TRPM8: variants seen among roughly 807,000 people sequenced by gnomAD.
TRPM8 encodes transient receptor potential cation channel subfamily M member 8.
TRPM8 carries 110 observed loss-of-function variants against 133.7 expected under a neutral mutation model. The ratio of observed to expected loss-of-function variants is 0.82; its 90% CI spans 0.70 to 0.96. TRPM8 has a LOEUF of 0.96. TRPM8 is among the 40% of genes least tolerant of loss of function. The pLI is 0.00. For missense variants in TRPM8, 1,291 were observed against 1,379.5 expected, an observed-to-expected ratio of 0.94 and a Z score of 1.02; for synonymous variants, 535 against 532.3, an observed-to-expected ratio of 1.01 and a Z score of -0.07.
chr2:233,949,756 A>G (rs553594060), intron 8 of TRPM8, among the ~76,000 whole-genome samples, 193 bp from the exon 9 acceptor site: 1 of 152,252 alleles, frequency 6.6e-6, no homozygotes, highest in South Asian at 2.1e-4. Flanking sequence ...GATTTCATAA[A>G]GCAGATTACA....
rs148846269 is a variant in TRPM8 at position 233,970,371 on chromosome 2, C to A, written c.2300C>A (p.Pro767His). 1 of 1,614,142 alleles carries A rather than the reference C, an allele frequency of 6.2e-7. No individual in the cohort carries two copies. Among genetic ancestry groups the A allele is most frequent in the South Asian group, 1.1e-5 (1 of 91,076 alleles). ...LMDFHSVPHP[P>H]ELVLYSLVFV... ...GATTTCCATTCGGTGCCACACCCCCCCGAGCTGGTCCTGTACTCGCTGGTC... is the reference window on the plus strand; with the variant it reads ...GATTTCCATTCGGTGCCACACCCCCACGAGCTGGTCCTGTACTCGCTGGTC... Residue 767 changes from proline (P) to histidine (H), a missense_variant, in exon 17 of 26, where the codon CCC becomes CAC. By Grantham distance (77) the Pro-to-His change is moderately conservative (BLOSUM62 -2). Around this residue, in one of 2 missense-constraint regions of TRPM8, gnomAD observed 963 missense variants for 968.9 expected, o/e 0.99. Transcript: ENST00000324695.
At chr2:233,946,382 A>G (rs28901640) in intron 7 of TRPM8, 3,827 of 179,548 alleles carry the variant, frequency 0.021, 174 homozygotes, top group African/African-American at 0.085. Context: ...GCAATTAGCT[A>G]GGATAGAAAA....
At chr2:233,923,857 T>C (rs796669671) in intron 1 of TRPM8, among the ~76,000 whole-genome samples, 111 of 152,074 alleles carry the variant, frequency 7.3e-4, no homozygotes, top group African/African-American at 2.6e-3. Context: ...CAAAATTGAG[T>C]TTGCATGTAA....
intron 23 of TRPM8, 79 bp from the exon 24 acceptor site, chr2:234,007,991 A>G: frequency 1.5e-6 from 2 of 1,353,112 alleles, no homozygotes; most frequent in Middle Eastern, 1.9e-4. Context: ...AATTTAAAAG[A>G]CTGCAAAATG....
At chr2:233,927,539 A>G (rs73118768) in intron 2 of TRPM8, among the ~76,000 whole-genome samples, 11,233 of 151,928 alleles carry the variant, frequency 0.074, 1,411 homozygotes, top group African/African-American at 0.26. Context: ...GTCACACCTC[A>G]GTCCTGGCCA....
chr2:233,922,493 T>C (rs1691431083), intron 1 of TRPM8, among the ~76,000 whole-genome samples: 1 of 152,210 alleles, frequency 6.6e-6, no homozygotes, highest in African/African-American at 2.4e-5. Flanking sequence ...TTAGTAAGTT[T>C]CTTCAACTCT....
At position 233,954,004 on chromosome 2, in the gene TRPM8, T is replaced by C; in HGVS notation, c.1228T>C (p.Tyr410His). The C allele has an allele frequency of 2.5e-6, 4 of 1,613,110 alleles. No individual in the cohort carries two copies. The highest frequency in any genetic ancestry group is 1.7e-4 in the Middle Eastern group (1 of 6,060). Reference sequence around the variant, plus strand: ...TGAAATTGTGAGCAATGCCATCTCCTACGCTCTATACAAAGGTGAGTAAAA... The same window carrying C: ...TGAAATTGTGAGCAATGCCATCTCCCACGCTCTATACAAAGGTGAGTAAAA... ...GDEIVSNAISYALYKAFSTSE... is the reference protein window; with the variant it reads ...GDEIVSNAISHALYKAFSTSE... Residue 410 changes from tyrosine (Y) to histidine (H), a missense_variant, in exon 10 of 26, where the codon TAC (tyrosine) becomes CAC (histidine). Physicochemically the swap from Tyr to His is moderately conservative, Grantham distance 83. Around this residue, in one of 2 missense-constraint regions of TRPM8, gnomAD observed 963 missense variants for 968.9 expected, o/e 0.99. Coordinates refer to ENST00000324695, the MANE Select transcript of TRPM8 (RefSeq NM_024080.5).
intron 12 of TRPM8, 133 bp from the exon 13 acceptor site, chr2:233,963,149 C>T: frequency 2.1e-6 from 1 of 470,096 alleles, no homozygotes; most frequent in South Asian, 6.4e-5. Context: ...ATGAAAATCC[C>T]ATCACTGTAC....
At chr2:233,951,793 A>C (rs1691177457) in intron 9 of TRPM8, among the ~76,000 whole-genome samples, 2 of 152,218 alleles carry the variant, frequency 1.3e-5, no homozygotes, top group South Asian at 4.1e-4. Flanking sequence ...AGGGTTTTGC[A>C]GTTGGTACAG....
intron 10 of TRPM8, among the ~76,000 whole-genome samples, chr2:233,954,451 C>T (rs1389882721): frequency 6.6e-6 from 1 of 152,170 alleles, no homozygotes; most frequent in Admixed American, 6.5e-5. Flanking sequence ...TTTCCTGAGG[C>T]TTATGAATGA....
chr2:233,933,784 G>C (rs1252332125), intron 3 of TRPM8: 1 of 165,550 alleles, frequency 6.0e-6, no homozygotes, highest in East Asian at 1.9e-4. Flanking sequence ...GATCCCAAAG[G>C]ATGGTGGGAC....
intron 19 of TRPM8, 134 bp downstream of exon 19, chr2:233,982,049 A>G (rs975208266): frequency 2.0e-6 from 2 of 1,012,620 alleles, no homozygotes; most frequent in East Asian, 2.7e-5. Context: ...TCTTTGATGT[A>G]TTTCATCAGG....
chr2:233,929,662 C>T (rs28901612), intron 2 of TRPM8: 1,661 of 152,316 alleles, frequency 0.011, 42 homozygotes, highest in East Asian at 0.11. Context: ...GAATATTTAT[C>T]GCCAGGCAGC....
rs28901637 is a variant in TRPM8, at chr2:233,945,903, A to T, written c.747A>T (p.Pro249=). The change falls in exon 7 of 26, where the codon CCA becomes CCT. Residue 249 remains proline, a synonymous_variant. Coordinates refer to ENST00000324695, the MANE Select transcript of TRPM8 (RefSeq NM_024080.5). ...TTATGGATGACTTCACAAGAGATCC[A>T]CTGTATATCCTGGACAACAACCACA... ...QYLMDDFTRD[P]LYILDNNHTH... The T allele has an allele frequency of 0.012, 19,305 of 1,614,112 alleles. 792 individuals are homozygous for T. The East Asian group carries it at 0.16, about 14-fold the overall frequency.
chr2:233,980,469 A>G (rs1158528180), intron 18 of TRPM8, among the ~76,000 whole-genome samples, 190 bp downstream of exon 18: 2 of 151,906 alleles, frequency 1.3e-5, no homozygotes. Flanking sequence ...TCCCCCTCCC[A>G]CTGATGTGTA....
At chr2:233,936,998 GC>G (rs1244735823) in intron 3 of TRPM8, among the ~76,000 whole-genome samples, 1 of 148,436 alleles carries the variant, frequency 6.7e-6, no homozygotes, top group African/African-American at 2.5e-5. Flanking sequence ...CTGGGTTCAG[GC>G]CATTCTCTTG....
chr2:233,958,893 G>A (rs569056694), intron 11 of TRPM8, among the ~76,000 whole-genome samples: 31 of 152,250 alleles, frequency 2.0e-4, no homozygotes, highest in East Asian at 5.8e-4. Flanking sequence ...TAAGTGGGCC[G>A]GTGGGTCCCA....
rs866650388 is a variant in TRPM8 at position 233,950,232 on chromosome 2, A to G, written c.1140+86A>G. 9.7e-5 allele frequency: 128 copies of G among 1,317,690 alleles called. No individual in the cohort carries two copies. The African/African-American group carries it at 1.7e-3, about 18-fold the overall frequency. The allele number at this position is 1,317,690 out of a possible 1,614,324, so 81.6% of individuals were successfully genotyped here. A position where few individuals can be genotyped will look rare whatever the true frequency, so the allele number is the denominator to read the frequency against. ...AATGCCTTAAACGCCCAACTCCACC[A>G]GCAGCTGCACGTGTTTGGTATTTTC... On this transcript the variant is annotated intron_variant, in intron 9 of 25. Transcript: ENST00000324695.
intron 6 of TRPM8, 72 bp from the exon 7 acceptor site, chr2:233,945,784 A>C: frequency 5.1e-6 from 7 of 1,377,048 alleles, no homozygotes; most frequent in Non-Finnish European, 6.0e-6. Flanking sequence ...TTTCATATGA[A>C]TATAGAAAAA....
Sources: allele counts gnomAD v4.1 joint callset (sites outside exome capture counted in the v4.1 genomes callset), GRCh38; gene constraint gnomAD v4.1.1; regional missense constraint gnomAD v4.1.1; transcripts MANE v1.5; gene names NCBI Gene and HGNC (gene_info 2026-07-23, HGNC 2026-07-21).